COL10A1: variants seen among roughly 807,000 people sequenced by gnomAD.
The protein encoded by COL10A1 is collagen type X alpha 1 chain.
A neutral mutation model predicts 18.2 loss-of-function variants in COL10A1; 10 were observed. That is an observed-to-expected ratio of 0.55 (90% CI 0.34 to 0.93). The LOEUF (loss-of-function observed/expected upper bound fraction) is 0.93. Among genes scored for constraint, COL10A1 ranks in the 40% least tolerant of loss-of-function variants. The probability of loss-of-function intolerance (pLI) is 0.02; values close to 1 mark genes in which losing one functional copy is unlikely to be tolerated. For missense variants in COL10A1, 897 were observed against 853.5 expected, an observed-to-expected ratio of 1.05 and a Z score of -0.64; for synonymous variants, 330 against 316.6, an observed-to-expected ratio of 1.04 and a Z score of -0.45.
chr6:116,151,774 A>G (rs1780046612), intron 1 of COL10A1, among the ~76,000 whole-genome samples: 1 of 152,200 alleles, frequency 6.6e-6, no homozygotes, highest in Non-Finnish European at 1.5e-5. Flanking sequence ...CTACCACAGC[A>G]AATAAACTTT....
chr6:116,215,449 T>A, the COL10A1 span, among the ~76,000 whole-genome samples: 64,677 of 151,984 alleles, frequency 0.43, 17,739 homozygotes, highest in African/African-American at 0.78. Context: ...TGGTAAGATT[T>A]CATCTCTCCC....
the COL10A1 span, among the ~76,000 whole-genome samples, chr6:116,202,251 C>T: frequency 3.7e-4 from 57 of 152,058 alleles, no homozygotes; most frequent in Non-Finnish European, 6.6e-4. Context: ...CTATTCTTTT[C>T]GAGAAAACAT....
At chr6:116,192,865 A>C in the COL10A1 span, among the ~76,000 whole-genome samples, 12 of 151,910 alleles carry the variant, frequency 7.9e-5, no homozygotes, top group African/African-American at 2.9e-4. Context: ...TCTAGTCTCA[A>C]CTTCCCCTGC....
Position 116,121,037 on chromosome 6 carries a change from G to T in COL10A1, c.1079C>A (p.Pro360His), listed in dbSNP as rs768368680. 1.2e-6 allele frequency: 2 copies of T among 1,614,050 alleles called. No homozygotes were observed. Among genetic ancestry groups the T allele is most frequent in the Non-Finnish European group, 1.7e-6 (2 of 1,179,930 alleles). Residue 360 changes from proline to histidine, a missense_variant, in exon 3 of 3, where the codon CCT (proline) becomes CAT (histidine). Transcript: ENST00000651968. The stretch of plus-strand genomic sequence containing the variant: ...CCCAGCTGGCCCTGTCTCACCTTTA[G>T]GGCCTGGGAGACCATGGCTACCCGG... ...GIPGSHGLPG[P>H]KGETGPAGPA...
the COL10A1 span, among the ~76,000 whole-genome samples, chr6:116,208,576 G>T: frequency 2.0e-5 from 3 of 152,018 alleles, no homozygotes; most frequent in African/African-American, 7.2e-5. Context: ...CAAGCTACAA[G>T]CTCTTTAGTT....
At chr6:116,122,590 A>G (rs956546571) in intron 2 of COL10A1, among the ~76,000 whole-genome samples, 1 of 152,214 alleles carries the variant, frequency 6.6e-6, no homozygotes, top group Non-Finnish European at 1.5e-5. Flanking sequence ...AAATACAAAT[A>G]TATAGTGTTT....
chr6:116,211,966 A>G, the COL10A1 span, among the ~76,000 whole-genome samples: 1 of 152,072 alleles, frequency 6.6e-6, no homozygotes. Flanking sequence ...AGGCCTGTGT[A>G]TGGATTTTAG....
At position 116,120,961 on chromosome 6, in the gene COL10A1, A is replaced by G. The variant is rs533520389; in HGVS notation, c.1155T>C (p.Asp385=). 3.1e-6 allele frequency: 5 copies of G among 1,613,528 alleles called. No individual in the cohort carries two copies. Among genetic ancestry groups the G allele is most frequent in the Non-Finnish European group, 3.4e-6 (4 of 1,179,796 alleles). The change falls in exon 3 of 3, where the codon GAT becomes GAC. Residue 385 remains aspartate (D), a synonymous_variant. Coordinates refer to ENST00000651968, the MANE Select transcript of COL10A1 (RefSeq NM_000493.4). ...AKGERGSPGS[D]GKPGYPGKPG... Reference sequence around the variant, plus strand: ...GTTTTCCTGGGTACCCTGGTTTTCCATCTGACCCAGGGGAACCCCTTTCAC... The same window carrying G: ...GTTTTCCTGGGTACCCTGGTTTTCCGTCTGACCCAGGGGAACCCCTTTCAC...
the COL10A1 span, among the ~76,000 whole-genome samples, chr6:116,203,044 C>T: frequency 1.3e-5 from 2 of 151,774 alleles, no homozygotes; most frequent in Non-Finnish European, 2.9e-5. Context: ...AATTTTTTCC[C>T]ACAGATTATG....
intron 1 of COL10A1, among the ~76,000 whole-genome samples, chr6:116,134,250 T>C (rs1421228526): frequency 6.6e-6 from 1 of 152,130 alleles, no homozygotes; most frequent in Non-Finnish European, 1.5e-5. Flanking sequence ...TGTATACCAG[T>C]TGCCAGGTTG....
chr6:116,155,442 C>T (rs1001608637), intron 1 of COL10A1, among the ~76,000 whole-genome samples: 1 of 152,012 alleles, frequency 6.6e-6, no homozygotes, highest in Non-Finnish European at 1.5e-5. Context: ...CTCTAGAGGA[C>T]CATTGTGAAT....
the COL10A1 span, among the ~76,000 whole-genome samples, chr6:116,197,631 A>G: frequency 6.6e-6 from 1 of 152,086 alleles, no homozygotes; most frequent in African/African-American, 2.4e-5. Context: ...AGAGATTCAA[A>G]TACCATCTCT....
At chr6:116,153,340 GTT>G (rs10526829) in intron 1 of COL10A1, among the ~76,000 whole-genome samples, 76,558 of 151,182 alleles carry the variant, frequency 0.51, 20,481 homozygotes, top group African/African-American at 0.69. Flanking sequence ...AGCTCTAAAA[GTT>G]TTTCACAAAC....
the COL10A1 span, among the ~76,000 whole-genome samples, chr6:116,213,499 A>C: frequency 1.3e-5 from 2 of 152,076 alleles, no homozygotes; most frequent in Non-Finnish European, 2.9e-5. Context: ...ACTGCATTCT[A>C]TTGGTCAAAG....
At chr6:116,187,867 A>G in the COL10A1 span, among the ~76,000 whole-genome samples, 7 of 152,216 alleles carry the variant, frequency 4.6e-5, no homozygotes, top group African/African-American at 1.7e-4. Context: ...AATAAATTTG[A>G]CAAACATTAA....
the COL10A1 span, among the ~76,000 whole-genome samples, chr6:116,206,990 T>C: frequency 2.8e-4 from 43 of 151,916 alleles, no homozygotes; most frequent in African/African-American, 1.0e-3. Flanking sequence ...TGGATTTATA[T>C]TGACATCTTT....
chr6:116,212,640 A>G, the COL10A1 span, among the ~76,000 whole-genome samples: 1 of 152,134 alleles, frequency 6.6e-6, no homozygotes, highest in Non-Finnish European at 1.5e-5. Flanking sequence ...TTGAATACCA[A>G]TCTAGTTTTT....
intron 1 of COL10A1, among the ~76,000 whole-genome samples, chr6:116,147,999 TG>T (rs1209875191): frequency 1.4e-5 from 2 of 141,400 alleles, no homozygotes; most frequent in Admixed American, 6.9e-5. Flanking sequence ...AAAAAAAAGG[TG>T]GGGGGGGTTG....
chr6:116,189,102 T>C, the COL10A1 span, among the ~76,000 whole-genome samples: 1 of 151,916 alleles, frequency 6.6e-6, no homozygotes, highest in African/African-American at 2.4e-5. Context: ...TTAATAATTA[T>C]TTTAATCAAG....
Sources: allele counts gnomAD v4.1 joint callset (sites outside exome capture counted in the v4.1 genomes callset), GRCh38; gene constraint gnomAD v4.1.1; transcripts MANE v1.5; gene names NCBI Gene and HGNC (gene_info 2026-07-23, HGNC 2026-07-21).